Variants in VTI1A observed in about 807,000 individuals in gnomAD.
VTI1A encodes the protein vesicle transport through interaction with t-SNAREs 1A.
Under a neutral mutation model 34.9 loss-of-function variants are expected in VTI1A, and 22 were observed. That is an observed-to-expected ratio of 0.63 (90% CI 0.45 to 0.90). The LOEUF is 0.90. Ranked by LOEUF, VTI1A falls within the 40% of genes least tolerant of loss-of-function variation. The pLI is 0.00. For missense variants in VTI1A, 268 were observed against 275.6 expected (o/e 0.97, Z 0.20); for synonymous variants, 87 against 97.3 (o/e 0.89, Z 0.62).
chr10:112,848,932 G>T, the VTI1A span, among the ~76,000 whole-genome samples: 1 of 152,166 alleles, frequency 6.6e-6, no homozygotes, highest in East Asian at 1.9e-4. Context: ...GCCATGATTT[G>T]TGGGTGGGTC....
chr10:112,569,013 G>A (rs1852012551), intron 5 of VTI1A, among the ~76,000 whole-genome samples: 1 of 152,032 alleles, frequency 6.6e-6, no homozygotes, highest in Admixed American at 6.6e-5. Context: ...AAATCATCCG[G>A]GTGTGGTGGT....
At chr10:112,454,808 C>T (rs1337846560) in intron 1 of VTI1A, among the ~76,000 whole-genome samples, 1 of 151,664 alleles carries the variant, frequency 6.6e-6, no homozygotes, top group African/African-American at 2.4e-5. Flanking sequence ...GGACAACAGA[C>T]CCACCCCATT....
At chr10:112,481,432 T>C (rs1364894497) in intron 3 of VTI1A, among the ~76,000 whole-genome samples, 1 of 152,216 alleles carries the variant, frequency 6.6e-6, no homozygotes, top group Non-Finnish European at 1.5e-5. Flanking sequence ...CTTAAGCCAA[T>C]GCCAATGGAA....
intron 5 of VTI1A, among the ~76,000 whole-genome samples, chr10:112,586,294 G>GT (rs1465851437): frequency 1.3e-5 from 2 of 152,068 alleles, no homozygotes; most frequent in Non-Finnish European, 2.9e-5. Context: ...TATTATCCGT[G>GT]TAAACTCATT....
intron 3 of VTI1A, among the ~76,000 whole-genome samples, chr10:112,478,637 T>A (rs1386482417): frequency 2.0e-5 from 3 of 152,194 alleles, no homozygotes; most frequent in Admixed American, 2.0e-4. Flanking sequence ...GCACATTTTG[T>A]TTTGTAGAAA....
intron 7 of VTI1A, among the ~76,000 whole-genome samples, chr10:112,769,779 T>C (rs937570012): frequency 3.9e-5 from 6 of 152,102 alleles, no homozygotes. Context: ...CCTTAGAACA[T>C]AGCCTGGAGA....
chr10:112,565,317 A>G (rs967358294), intron 5 of VTI1A, among the ~76,000 whole-genome samples: 1 of 152,190 alleles, frequency 6.6e-6, no homozygotes, highest in Non-Finnish European at 1.5e-5. Context: ...AGTAACAAAT[A>G]TTGAAAATAT....
At chr10:112,535,007 A>G (rs1850571017) in intron 4 of VTI1A, among the ~76,000 whole-genome samples, 1 of 152,186 alleles carries the variant, frequency 6.6e-6, no homozygotes, top group African/African-American at 2.4e-5. Context: ...TTTTTGACAG[A>G]AGATTTATTT....
At chr10:112,624,283 T>A (rs1296039968) in intron 5 of VTI1A, among the ~76,000 whole-genome samples, 3 of 152,080 alleles carry the variant, frequency 2.0e-5, no homozygotes, top group Non-Finnish European at 4.4e-5. Flanking sequence ...TAGTCTAGAA[T>A]GAAATGTGAA....
chr10:112,592,286 A>G (rs1429674187), intron 5 of VTI1A, among the ~76,000 whole-genome samples: 1 of 152,224 alleles, frequency 6.6e-6, no homozygotes, highest in Non-Finnish European at 1.5e-5. Context: ...CTGTGAGATC[A>G]TAAATATGTA....
intron 7 of VTI1A, among the ~76,000 whole-genome samples, chr10:112,722,299 G>A (rs1161814070): frequency 6.6e-6 from 1 of 151,482 alleles, no homozygotes; most frequent in Admixed American, 6.6e-5. Context: ...TCATAGGTGG[G>A]AATTGAACAA....
chr10:112,724,533 C>G (rs778314382), intron 7 of VTI1A, among the ~76,000 whole-genome samples: 1 of 152,000 alleles, frequency 6.6e-6, no homozygotes, highest in African/African-American at 2.4e-5. Context: ...CCTGACCTCT[C>G]TTGGGGATTA....
At chr10:112,564,761 A>T (rs1247577097) in intron 5 of VTI1A, among the ~76,000 whole-genome samples, 1 of 152,256 alleles carries the variant, frequency 6.6e-6, no homozygotes, top group East Asian at 1.9e-4. Flanking sequence ...AGGAGATACA[A>T]AAATAACAAT....
intron 5 of VTI1A, among the ~76,000 whole-genome samples, chr10:112,584,494 T>A (rs911454382): frequency 6.6e-6 from 1 of 152,238 alleles, no homozygotes; most frequent in Non-Finnish European, 1.5e-5. Context: ...GGAGAGAAGA[T>A]GAGCTGACTA....
At chr10:112,777,867 C>T (rs2134032303) in intron 7 of VTI1A, among the ~76,000 whole-genome samples, 1 of 152,288 alleles carries the variant, frequency 6.6e-6, no homozygotes, top group South Asian at 2.1e-4. Flanking sequence ...CTTTGGGAGG[C>T]CGAGACAGGT....
the VTI1A span, among the ~76,000 whole-genome samples, chr10:112,855,146 G>C: frequency 6.6e-6 from 1 of 152,082 alleles, no homozygotes; most frequent in Non-Finnish European, 1.5e-5. Flanking sequence ...TGGGAAGCTC[G>C]ACCCAGGATG....
intron 7 of VTI1A, among the ~76,000 whole-genome samples, chr10:112,788,520 G>A (rs1349458712): frequency 6.6e-6 from 1 of 152,056 alleles, no homozygotes; most frequent in East Asian, 1.9e-4. Flanking sequence ...CACCCTCTAT[G>A]TGCTTTTTAA....
At chr10:112,655,926 C>T (rs893341070) in intron 5 of VTI1A, among the ~76,000 whole-genome samples, 2 of 152,212 alleles carry the variant, frequency 1.3e-5, no homozygotes, top group Non-Finnish European at 2.9e-5. Flanking sequence ...TTCTAGTGCA[C>T]ACTAGCAAAT....
chr10:112,647,407 C>T (rs1166319547), intron 5 of VTI1A, among the ~76,000 whole-genome samples: 1 of 152,230 alleles, frequency 6.6e-6, no homozygotes, highest in Non-Finnish European at 1.5e-5. Context: ...CATCAACACA[C>T]TATTTCCCAC....
Sources: gnomAD v4.1 joint callset for allele counts (sites outside exome capture counted in the v4.1 genomes callset) on GRCh38, gnomAD v4.1.1 for gene constraint, MANE v1.5 for transcripts, NCBI Gene and HGNC (gene_info 2026-07-23, HGNC 2026-07-21) for gene names.